The following AAMDC variants were observed in gnomAD, a reference collection of about 807,000 sequenced individuals.
The protein encoded by AAMDC is adipogenesis associated Mth938 domain containing.
In AAMDC, 16 loss-of-function variants were observed where a neutral mutation model predicts 15.5. That is an observed-to-expected ratio of 1.03 (90% confidence interval 0.70 to 1.57). The LOEUF (loss-of-function observed/expected upper bound fraction) is 1.57. Ranked by LOEUF, AAMDC falls within the 40% of genes most tolerant of loss-of-function variation. The pLI, the probability that AAMDC is intolerant of heterozygous loss-of-function variation, is 0.00. For synonymous variants in AAMDC, 51 were observed against 51.6 expected (o/e 0.99, Z 0.05); for missense variants, 141 against 144.9 (o/e 0.97, Z 0.14).
intron 1 of AAMDC, among the ~76,000 whole-genome samples, chr11:77,823,533 C>G (rs1229922645): frequency 6.8e-6 from 1 of 146,014 alleles, no homozygotes; most frequent in Non-Finnish European, 1.5e-5. Flanking sequence ...AGTTCGAGAC[C>G]AGCCTGGGCA....
At chr11:77,847,061 G>A (rs1950178053) in intron 2 of AAMDC, among the ~76,000 whole-genome samples, 2 of 152,104 alleles carry the variant, frequency 1.3e-5, no homozygotes, top group African/African-American at 4.8e-5. Context: ...AAATTATCAG[G>A]GAAGACATTT....
intron 1 of AAMDC, among the ~76,000 whole-genome samples, chr11:77,827,415 C>A (rs537530706): frequency 6.6e-6 from 1 of 152,060 alleles, no homozygotes; most frequent in South Asian, 2.1e-4. Context: ...CAGTTCCAAC[C>A]ACATATAAAA....
At chr11:77,884,352 T>TAA (rs1394173243) in intron 5 of AAMDC, among the ~76,000 whole-genome samples, 4 of 152,372 alleles carry the variant, frequency 2.6e-5, no homozygotes, top group Admixed American at 2.6e-4. Context: ...AATTGCATTC[T>TAA]TTCCACTACA....
chr11:77,873,977 C>T (rs765235301), downstream of AAMDC, among the ~76,000 whole-genome samples: 1 of 152,204 alleles, frequency 6.6e-6, no homozygotes, highest in Admixed American at 6.5e-5. Context: ...GTTAGTTAGG[C>T]TTCTGACCTA....
At chr11:77,863,382 C>T (rs892014795) in intron 2 of AAMDC, among the ~76,000 whole-genome samples, 3 of 152,024 alleles carry the variant, frequency 2.0e-5, no homozygotes, top group Non-Finnish European at 4.4e-5. Flanking sequence ...AAACTCAGCT[C>T]GAGCCATAAC....
intron 2 of AAMDC, chr11:77,866,430 A>T (rs1461994401): frequency 6.6e-6 from 1 of 152,236 alleles, no homozygotes; most frequent in Admixed American, 6.5e-5. Flanking sequence ...CAGGTTGAGG[A>T]TGCCTCAATA....
intron 2 of AAMDC, among the ~76,000 whole-genome samples, chr11:77,859,113 T>A (rs2136237475): frequency 6.6e-6 from 1 of 152,350 alleles, no homozygotes; most frequent in East Asian, 1.9e-4. Context: ...CAAAAGTATT[T>A]TTCCTTCTTC....
intron 5 of AAMDC, among the ~76,000 whole-genome samples, chr11:77,885,666 A>G (rs542610184): frequency 6.6e-6 from 1 of 152,100 alleles, no homozygotes; most frequent in East Asian, 2.0e-4. Flanking sequence ...TAAAAATACA[A>G]AAATTAGCTG....
At chr11:77,871,869 A>G (rs147509423) in intron 3 of AAMDC, among the ~76,000 whole-genome samples, 1 of 152,366 alleles carries the variant, frequency 6.6e-6, no homozygotes, top group East Asian at 1.9e-4. Flanking sequence ...GACTCAGAGA[A>G]TTTAATTTAC....
chr11:77,892,248 G>A (rs1952306307), intron 5 of AAMDC, among the ~76,000 whole-genome samples: 1 of 152,186 alleles, frequency 6.6e-6, no homozygotes, highest in African/African-American at 2.4e-5. Context: ...TTGCTTCAAT[G>A]GAGCTTACAT....
chr11:77,864,371 C>T (rs901154871), intron 2 of AAMDC, among the ~76,000 whole-genome samples: 1 of 151,266 alleles, frequency 6.6e-6, no homozygotes, highest in Non-Finnish European at 1.5e-5. Flanking sequence ...ACCCGGGAGT[C>T]GGAGGTTGCA....
At chr11:77,826,930 C>T (rs190703041) in intron 1 of AAMDC, among the ~76,000 whole-genome samples, 341 of 152,204 alleles carry the variant, frequency 2.2e-3, no homozygotes, top group African/African-American at 7.4e-3. Context: ...CATAGTGAAA[C>T]ACCATCTCTA....
At chr11:77,856,488 C>T (rs1319273954) in intron 2 of AAMDC, among the ~76,000 whole-genome samples, 1 of 152,138 alleles carries the variant, frequency 6.6e-6, no homozygotes, top group Non-Finnish European at 1.5e-5. Context: ...CTTCCTGGTA[C>T]CAATTTTCTT....
chr11:77,837,525 G>C (rs1442534673), intron 1 of AAMDC, among the ~76,000 whole-genome samples: 2 of 152,002 alleles, frequency 1.3e-5, no homozygotes, highest in African/African-American at 2.4e-5. Context: ...TGCGATCTTG[G>C]CTCATTGTTA....
intron 2 of AAMDC, among the ~76,000 whole-genome samples, chr11:77,863,297 CT>C (rs1443750333): frequency 6.6e-6 from 1 of 152,180 alleles, no homozygotes; most frequent in East Asian, 1.9e-4. Context: ...AGCAGACACC[CT>C]GCCGGATCCG....
At chr11:77,849,311 T>A (rs957654397) in intron 2 of AAMDC, among the ~76,000 whole-genome samples, 1 of 152,202 alleles carries the variant, frequency 6.6e-6, no homozygotes, top group South Asian at 2.1e-4. Flanking sequence ...AACCTCTGAC[T>A]CCCGGGTTCA....
downstream of AAMDC, chr11:77,876,993 T>A (rs1322874837): frequency 2.8e-6 from 2 of 703,308 alleles, no homozygotes; most frequent in South Asian, 3.0e-5. Flanking sequence ...GTCAGGGCTG[T>A]GGTACAATTC....
intron 5 of AAMDC, among the ~76,000 whole-genome samples, chr11:77,881,466 C>G (rs547347670): frequency 6.6e-6 from 1 of 152,292 alleles, no homozygotes; most frequent in South Asian, 2.1e-4. Flanking sequence ...TGCCCCAAAC[C>G]GGAAGGGACA....
chr11:77,847,467 C>T (rs139641354), intron 2 of AAMDC, among the ~76,000 whole-genome samples: 3 of 152,208 alleles, frequency 2.0e-5, no homozygotes, highest in Non-Finnish European at 4.4e-5. Context: ...ACTGCATGCA[C>T]TCATTGATGA....
Sources: gnomAD v4.1 joint callset for allele counts (sites outside exome capture counted in the v4.1 genomes callset) on GRCh38, gnomAD v4.1.1 for gene constraint, MANE v1.5 for transcripts, NCBI Gene and HGNC (gene_info 2026-07-23, HGNC 2026-07-21) for gene names.